Variants in PARVA observed in about 807,000 individuals in gnomAD.
PARVA encodes the protein parvin alpha, also known as alpha-parvin.
Under a neutral mutation model 52.6 loss-of-function variants are expected in PARVA, and 25 were observed. The ratio of observed to expected loss-of-function variants is 0.48; its 90% confidence interval spans 0.35 to 0.66. PARVA has a LOEUF of 0.66. PARVA is among the 30% of genes least tolerant of loss of function. The pLI is 0.01. For missense variants in PARVA, 373 were observed against 450.9 expected (o/e 0.83, Z 1.56); for synonymous variants, 185 against 179.1 (o/e 1.03, Z -0.26).
chr11:12,378,413 C>G (rs1939435985), intron 1 of PARVA, among the ~76,000 whole-genome samples: 1 of 152,058 alleles, frequency 6.6e-6, no homozygotes, highest in African/African-American at 2.4e-5. Flanking sequence ...AACTGGCAAA[C>G]CTAGCGTGCC....
chr11:12,472,936 TG>T (rs1446789492), intron 1 of PARVA, among the ~76,000 whole-genome samples: 1 of 152,186 alleles, frequency 6.6e-6, no homozygotes, highest in African/African-American at 2.4e-5. Flanking sequence ...AGGCTCCATG[TG>T]GGGGCTGGTC....
intron 1 of PARVA, among the ~76,000 whole-genome samples, chr11:12,453,775 G>A (rs1240246349): frequency 1.3e-5 from 2 of 152,128 alleles, no homozygotes; most frequent in East Asian, 3.9e-4. Context: ...ATTGGTTTGG[G>A]CTCATTGATT....
chr11:12,459,010 C>G (rs1211797496), intron 1 of PARVA, among the ~76,000 whole-genome samples: 2 of 152,150 alleles, frequency 1.3e-5, no homozygotes, highest in Non-Finnish European at 2.9e-5. Context: ...TCAAGCAACT[C>G]CAAACTAAGA....
intron 1 of PARVA, among the ~76,000 whole-genome samples, chr11:12,379,566 T>C (rs1380791557): frequency 6.6e-5 from 10 of 151,766 alleles, no homozygotes; most frequent in African/African-American, 2.4e-4. Context: ...CAACTTCTCT[T>C]CCCCCCTAAA....
chr11:12,376,763 C>A, upstream of PARVA: 1 of 977,284 alleles, frequency 1.0e-6, no homozygotes, highest in Non-Finnish European at 1.2e-6. Context: ...GCCTTTTAAT[C>A]ATTTCCAGTA....
chr11:12,445,161 C>T (rs1940527045), intron 1 of PARVA, among the ~76,000 whole-genome samples: 1 of 152,126 alleles, frequency 6.6e-6, no homozygotes, highest in Admixed American at 6.5e-5. Flanking sequence ...CCCCGCTGGA[C>T]ACCATGGCAC....
intron 10 of PARVA, 150 bp downstream of exon 10, chr11:12,514,215 C>T: frequency 1.6e-6 from 1 of 618,890 alleles, no homozygotes; most frequent in Non-Finnish European, 2.9e-6. Context: ...TGGACTGAGT[C>T]TCTGTGGATT....
At chr11:12,474,469 G>T (rs949209381) in intron 3 of PARVA, among the ~76,000 whole-genome samples, 1 of 152,120 alleles carries the variant, frequency 6.6e-6, no homozygotes, top group African/African-American at 2.4e-5. Flanking sequence ...GCGTGCGCTT[G>T]TCCTTTCAAA....
intron 1 of PARVA, among the ~76,000 whole-genome samples, chr11:12,460,529 A>C (rs1239658221): frequency 6.6e-6 from 1 of 152,190 alleles, no homozygotes; most frequent in Admixed American, 6.5e-5. Flanking sequence ...AGTTTCCACA[A>C]ACAGTGCTCT....
At chr11:12,422,405 C>G (rs1940162849) in intron 1 of PARVA, among the ~76,000 whole-genome samples, 1 of 152,170 alleles carries the variant, frequency 6.6e-6, no homozygotes, top group African/African-American at 2.4e-5. Context: ...AGCTCTAGTT[C>G]CATATTGTTA....
intron 4 of PARVA, among the ~76,000 whole-genome samples, chr11:12,490,158 G>A (rs113863753): frequency 0.015 from 2,275 of 149,154 alleles, 31 homozygotes; most frequent in Non-Finnish European, 0.024. Flanking sequence ...AGAGCTTGCC[G>A]TGAGCCGAGA....
chr11:12,386,576 T>C (rs1939574866), intron 1 of PARVA, among the ~76,000 whole-genome samples: 1 of 152,190 alleles, frequency 6.6e-6, no homozygotes, highest in Non-Finnish European at 1.5e-5. Context: ...ACAGCCCTCT[T>C]GCCTACCATA....
rs149632238 is a variant in PARVA, at chr11:12,531,835, G to A, written c.*3910G>A. 8.5e-4 allele frequency among the ~76,000 whole-genome samples: 129 copies of A among 152,218 alleles called. 1 individual carries two copies. Among genetic ancestry groups the A allele is most frequent in the Admixed American group, 6.2e-3 (95 of 15,284 alleles). Reference sequence around the variant, plus strand: ...GAGAGCTGCATTAAGCTGCAAGGCCGGGTAGGGTAGGTAGACTGACTCACC... The same window carrying A: ...GAGAGCTGCATTAAGCTGCAAGGCCAGGTAGGGTAGGTAGACTGACTCACC... On this transcript the variant is annotated 3_prime_UTR_variant, in exon 13 of 13. Coordinates refer to ENST00000334956, the MANE Select transcript of PARVA (RefSeq NM_018222.5).
chr11:12,472,917 T>G (rs1407457550), intron 1 of PARVA, among the ~76,000 whole-genome samples: 1 of 152,162 alleles, frequency 6.6e-6, no homozygotes, highest in Non-Finnish European at 1.5e-5. Flanking sequence ...GAGGAATTCT[T>G]TTGTACTAAG....
intron 1 of PARVA, among the ~76,000 whole-genome samples, chr11:12,401,969 G>T (rs1939835034): frequency 1.3e-5 from 2 of 152,194 alleles, no homozygotes. Flanking sequence ...ACTAGAGAAT[G>T]TAGATAATAA....
chr11:12,451,569 TATG>T (rs1346714806), intron 1 of PARVA, among the ~76,000 whole-genome samples: 1 of 152,094 alleles, frequency 6.6e-6, no homozygotes, highest in Non-Finnish European at 1.5e-5. Flanking sequence ...GGAGGTATAA[TATG>T]ATTATGAATG....
chr11:12,406,617 A>G (rs1939911694), intron 1 of PARVA, among the ~76,000 whole-genome samples: 1 of 133,308 alleles, frequency 7.5e-6, no homozygotes, highest in Admixed American at 7.5e-5. Context: ...CTTTCTCATG[A>G]TTTATTTAAA....
At chr11:12,475,505 GTATTTAA>G (rs1941000521) in intron 3 of PARVA, among the ~76,000 whole-genome samples, 1 of 152,094 alleles carries the variant, frequency 6.6e-6, no homozygotes, top group Non-Finnish European at 1.5e-5. Context: ...CATATAGCAG[GTATTTAA>G]TAAACATTAG....
intron 4 of PARVA, among the ~76,000 whole-genome samples, chr11:12,485,097 A>G (rs988659231): frequency 6.6e-6 from 1 of 152,180 alleles, no homozygotes; most frequent in Non-Finnish European, 1.5e-5. Flanking sequence ...TAAAGGCGTG[A>G]GCCACCTCAC....
Sources: allele counts gnomAD v4.1 joint callset (sites outside exome capture counted in the v4.1 genomes callset), GRCh38; gene constraint gnomAD v4.1.1; transcripts MANE v1.5; gene names NCBI Gene and HGNC (gene_info 2026-07-23, HGNC 2026-07-21).